The following ITGB4 variants were observed in gnomAD, a reference collection of about 807,000 sequenced individuals.
ITGB4 encodes integrin subunit beta 4, also known as integrin beta-4.
Under a neutral mutation model 207.6 loss-of-function variants are expected in ITGB4, and 159 were observed. The ratio of observed to expected loss-of-function variants is 0.77; its 90% CI spans 0.67 to 0.87. The LOEUF is 0.87. ITGB4 is among the 40% of genes least tolerant of loss of function. The pLI is 0.00. For missense variants in ITGB4, 2,278 were observed against 2,546.8 expected (o/e 0.89, Z 2.27); for synonymous variants, 1,020 against 1,062.7 (o/e 0.96, Z 0.78).
In ITGB4 at chr17:75,735,079, TATTG is replaced by T. The variant is rs546066733; in HGVS notation, c.1658-952_1658-949del. On this transcript the variant is annotated intron_variant, in intron 13 of 39. Coordinates refer to ENST00000200181, the MANE Select transcript of ITGB4 (RefSeq NM_000213.5). ...TCACACTTGCAAATAAAGACAATTT[TATTG>T]ATTGATTGATTGATTGATTTTTGAG... Among the ~76,000 whole-genome samples, 417 of 152,328 alleles carry T rather than the reference TATTG, an allele frequency of 2.7e-3. 2 individuals are homozygous for T. The highest frequency in any genetic ancestry group is 9.2e-3 in the African/African-American group (382 of 41,576).
chr17:75,748,061 C>T (rs767849752), intron 26 of ITGB4, among the ~76,000 whole-genome samples: 5 of 152,054 alleles, frequency 3.3e-5, no homozygotes, highest in Non-Finnish European at 7.4e-5. Flanking sequence ...AAAGCTCAGG[C>T]ATGCTCCACG....
rs2061346017 is a variant in ITGB4, at chr17:75,750,637, C to A, written c.3475-43C>A. On this transcript the variant is annotated intron_variant, in intron 28 of 39. Transcript: ENST00000200181. This position sits in a 1 kb window ranked among gnomAD's most constrained non-coding sequence, Gnocchi z 5.5. ...AGAGGAGGGACAGGCAGCTTGGGTG[C>A]CTGCTGCTCCCTGCTGACCAGGACC... 4 of 1,582,002 alleles carry A rather than the reference C, an allele frequency of 2.5e-6. No homozygotes were observed. The Admixed American group carries it at 5.1e-5, about 20-fold the overall frequency.
At position 75,750,099 on chromosome 17, in the gene ITGB4, C is replaced by T; in HGVS notation, c.3317-12C>T. ...ATCTGAGTGGTTGCCCGGCCCCAACCTGACCCGTTAGATGAACTGGACCGG... is the reference window on the plus strand; with the variant it reads ...ATCTGAGTGGTTGCCCGGCCCCAACTTGACCCGTTAGATGAACTGGACCGG... On this transcript the variant is annotated splice_polypyrimidine_tract_variant and intron_variant, in intron 27 of 39. Transcript: ENST00000200181. This position sits in a 1 kb window ranked among gnomAD's most constrained non-coding sequence, Gnocchi z 5.5. The T allele has an allele frequency of 6.2e-7, 1 of 1,613,516 alleles. No individual in the cohort carries two copies. The highest frequency in any genetic ancestry group is 1.1e-5 in the South Asian group (1 of 91,080).
rs2060975527 is a variant in ITGB4, at chr17:75,736,377, C to T, written c.1851C>T (p.Asn617=). 6.2e-7 allele frequency: 1 copy of T among 1,614,016 alleles called. No individual in the cohort carries two copies. The highest frequency in any genetic ancestry group is 1.7e-5 in the Admixed American group (1 of 60,006). Residue 617 remains asparagine (N), a synonymous_variant, in exon 15 of 40, where the codon AAC becomes AAT. Coordinates refer to ENST00000200181, the MANE Select transcript of ITGB4 (RefSeq NM_000213.5). Reference sequence around the variant, plus strand: ...ACACGGACACCATCTGCGAGATCAACTACTCGGCGGTGAGGCTAAGACCTA... The same window carrying T: ...ACACGGACACCATCTGCGAGATCAATTACTCGGCGGTGAGGCTAAGACCTA... ...SLYTDTICEI[N]YSAIHPGLCE...
At position 75,740,955 on chromosome 17, in the gene ITGB4, C is replaced by T. The variant is rs773216062; in HGVS notation, c.2610-27C>T. ...AGGCCTCCACTTCAGGGCTATCTAG[C>T]TCACAGCGCCCTCTTTGTCCCCACA... On this transcript the variant is annotated intron_variant, in intron 22 of 39. Transcript: ENST00000200181. This position sits in a 1 kb window ranked among gnomAD's most constrained non-coding sequence, Gnocchi z 5.9. 9 of 1,613,946 alleles carry T rather than the reference C, an allele frequency of 5.6e-6. No individual in the cohort carries two copies. In the Admixed American group the frequency reaches 1.5e-4, roughly 27 times the overall value.
At position 75,727,408 on chromosome 17, in the gene ITGB4, T is replaced by G. The variant is rs1414942059; in HGVS notation, c.167T>G (p.Phe56Cys). Residue 56 changes from phenylalanine to cysteine, a missense_variant, in exon 4 of 40, where the codon TTC becomes TGC. By Grantham distance (205) the Phe-to-Cys change is radical. Transcript: ENST00000200181. This position sits in a 1 kb window ranked among gnomAD's most constrained non-coding sequence, Gnocchi z 6.0. ...ACCCCCTGTCCTTCTGGCCAGATGTTCAGGGACCGGCGCTGCAACACCCAG... is the reference window on the plus strand; with the variant it reads ...ACCCCCTGTCCTTCTGGCCAGATGTGCAGGGACCGGCGCTGCAACACCCAG... ...KDCAYCTDEM[F>C]RDRRCNTQAE... 6.2e-7 allele frequency: 1 copy of G among 1,613,882 alleles called. No individual in the cohort carries two copies. The highest frequency in any genetic ancestry group is 2.2e-5 in the East Asian group (1 of 44,886).
chr17:75,756,891 G>C (rs1599324440), intron 37 of ITGB4, 32 bp downstream of exon 37: 4 of 1,612,270 alleles, frequency 2.5e-6, no homozygotes, highest in East Asian at 4.5e-5. Flanking sequence ...GGAGTGGCCA[G>C]GGGAGGGGTA....
At position 75,742,396 on chromosome 17, in the gene ITGB4, G is replaced by A. The variant is rs1378555200; in HGVS notation, c.2689G>A (p.Ala897Thr). The A allele has an allele frequency of 3.1e-6, 5 of 1,613,388 alleles. No individual in the cohort carries two copies. The highest frequency in any genetic ancestry group is 4.2e-6 in the Non-Finnish European group (5 of 1,179,992). ...GATGGCGCCCCGCTCGGCCAAGCCG[G>A]CCCTGCTGAAGCTTACAGAGAAGCA... is the stretch of plus-strand genomic sequence containing the variant. ...VLMAPRSAKP[A>T]LLKLTEKQVE... Residue 897 changes from alanine (A) to threonine (T), a missense_variant, in exon 24 of 40, where the codon GCC becomes ACC. By Grantham distance (58) the Ala-to-Thr change is moderately conservative. Coordinates refer to ENST00000200181, the MANE Select transcript of ITGB4 (RefSeq NM_000213.5). The surrounding 1 kb of genome is among the most constrained non-coding windows in gnomAD (Gnocchi z 5.9).
In ITGB4 at chr17:75,727,583, C is replaced by T; in HGVS notation, c.265-68C>T. 2 of 1,582,574 alleles carry T rather than the reference C, an allele frequency of 1.3e-6. No individual in the cohort carries two copies. Among genetic ancestry groups the T allele is most frequent in the East Asian group, 4.6e-5 (2 of 43,606 alleles). On this transcript the variant is annotated intron_variant, in intron 4 of 39. Coordinates refer to ENST00000200181, the MANE Select transcript of ITGB4 (RefSeq NM_000213.5). The surrounding 1 kb of genome is among the most constrained non-coding windows in gnomAD (Gnocchi z 6.0). ...TATGGGGGTGTATAGTGCCCCTTGG[C>T]CGGGCTGGGCCCCCATCGGGCCTCC... is the stretch of plus-strand genomic sequence containing the variant.
rs758042290 is a variant in ITGB4, at chr17:75,753,770, G to A, written c.4114G>A (p.Gly1372Ser). The A allele has an allele frequency of 2.2e-5, 32 of 1,446,874 alleles. No individual in the cohort carries two copies. The highest frequency in any genetic ancestry group is 2.1e-4 in the Middle Eastern group (1 of 4,716). 89.6% of individuals were successfully genotyped at this position (1,446,874 alleles called of 1,614,324 possible). Residue 1372 changes from glycine to serine, a missense_variant, in exon 33 of 40, where the codon GGC becomes AGC. Coordinates refer to ENST00000200181, the MANE Select transcript of ITGB4 (RefSeq NM_000213.5). ...RPSVSDDTGCGWKFEPLLGEE... is the reference protein window; with the variant it reads ...RPSVSDDTGCSWKFEPLLGEE... The stretch of plus-strand genomic sequence containing the variant: ...GGCCCTTCGTTGTTCCCAAGGCTGC[G>A]GCTGGAAGTTCGAGCCCCTGCTGGG...
In ITGB4 at chr17:75,750,236, C is replaced by G; in HGVS notation, c.3442C>G (p.Leu1148Val). The part of the protein sequence containing the change: ...AGSRKIHFNW[L>V]PPSGKPMGYR... ...GTCCAGGAAGATCCATTTCAACTGG[C>G]TGCCCCCTTCTGGCAAGCCAATGGG... is the stretch of plus-strand genomic sequence containing the variant. The change falls in exon 28 of 40, where the codon CTG (leucine) becomes GTG (valine). Residue 1148 changes from leucine to valine, a missense_variant. Physicochemically the swap from Leu to Val is conservative, Grantham distance 32 (BLOSUM62 1). Coordinates refer to ENST00000200181, the MANE Select transcript of ITGB4 (RefSeq NM_000213.5). This position sits in a 1 kb window ranked among gnomAD's most constrained non-coding sequence, Gnocchi z 5.5. 1 of 1,613,458 alleles carries G rather than the reference C, an allele frequency of 6.2e-7. No homozygotes were observed. Among genetic ancestry groups the G allele is most frequent in the Middle Eastern group, 1.7e-4 (1 of 6,058 alleles).
At chr17:75,752,624 TAC>T in intron 32 of ITGB4, 47 bp downstream of exon 32, 10 of 1,610,352 alleles carry the variant, frequency 6.2e-6, no homozygotes, top group Non-Finnish European at 8.5e-6. Flanking sequence ...GGGTCTTGGG[TAC>T]AGAGTGAGTC....
rs765142082 is a variant in ITGB4 at position 75,727,298 on chromosome 17, G to A, written c.162+21G>A. ...ACGAGGTGAGGACCTGGCCCGGGTT[G>A]GTGTGGAACAGGCAAGGGTCGGGAA... is the stretch of plus-strand genomic sequence containing the variant. On this transcript the variant is annotated intron_variant, in intron 3 of 39. Transcript: ENST00000200181. The surrounding 1 kb of genome is among the most constrained non-coding windows in gnomAD (Gnocchi z 6.0). 5 of 1,613,550 alleles carry A rather than the reference G, an allele frequency of 3.1e-6. No homozygotes were observed. In the Admixed American group the frequency reaches 6.7e-5, roughly 22 times the overall value.
chr17:75,723,729 AC>A (rs769505039), intron 1 of ITGB4, among the ~76,000 whole-genome samples: 17 of 152,218 alleles, frequency 1.1e-4, no homozygotes, highest in Non-Finnish European at 2.4e-4. Flanking sequence ...CCGGGCTGAG[AC>A]AGGATTCAAT....
rs890284879 is a variant in ITGB4 at position 75,754,938 on chromosome 17, ACATGCACGCACACACGTGCACACG to A, written c.4558+131_4558+154del. The stretch of plus-strand genomic sequence containing the variant: ...CTCCAACATACACACACGCATGCAC[ACATGCACGCACACACGTGCACACG>A]CATGCACACATGTACACAGACATGC... On this transcript the variant is annotated intron_variant, in intron 34 of 39. Transcript: ENST00000200181. 1.6e-4 allele frequency: 233 copies of A among 1,481,738 alleles called. No homozygotes were observed. The African/African-American group carries it at 2.9e-3, about 18-fold the overall frequency. The allele number at this position is 1,481,738 out of a possible 1,614,324, so 91.8% of individuals were successfully genotyped here.
intron 25 of ITGB4, 35 bp from the exon 26 acceptor site, chr17:75,743,678 C>T (rs1226957580): frequency 1.9e-6 from 3 of 1,613,292 alleles, no homozygotes; most frequent in Non-Finnish European, 2.5e-6. Context: ...GGACTGGGCC[C>T]AGCACACTCT....
intron 34 of ITGB4, among the ~76,000 whole-genome samples, chr17:75,755,399 C>T (rs553670000): frequency 9.8e-5 from 15 of 152,286 alleles, no homozygotes; most frequent in Admixed American, 8.5e-4. Context: ...CTCTGCCCTC[C>T]CAGGGGGCGG....
At position 75,756,885 on chromosome 17, in the gene ITGB4, T is replaced by TGGCCAGG. The variant is rs763001383; in HGVS notation, c.5053+29_5053+35dup. 5 of 1,610,932 alleles carry TGGCCAGG rather than the reference T, an allele frequency of 3.1e-6. No individual in the cohort carries two copies. In the Admixed American group the frequency reaches 8.3e-5, roughly 27 times the overall value. On this transcript the variant is annotated intron_variant, in intron 37 of 39. Coordinates refer to ENST00000200181, the MANE Select transcript of ITGB4 (RefSeq NM_000213.5). ...GTGCTGCCCACCCCGGGGGCAGGAG[T>TGGCCAGG]GGCCAGGGGAGGGGTAAAGAGGGGG... is the stretch of plus-strand genomic sequence containing the variant.
chr17:75,728,756 G>A (rs572176205), intron 6 of ITGB4, among the ~76,000 whole-genome samples: 40 of 152,232 alleles, frequency 2.6e-4, no homozygotes, highest in African/African-American at 9.1e-4. Flanking sequence ...AGGCCAAGGC[G>A]GGTGGATCAC....
Sources: gnomAD v4.1 joint callset for allele counts (sites outside exome capture counted in the v4.1 genomes callset) on GRCh38, gnomAD v4.1.1 for gene constraint, Gnocchi (gnomAD v3.1) non-coding constraint, MANE v1.5 for transcripts, NCBI Gene and HGNC (gene_info 2026-07-23, HGNC 2026-07-21) for gene names.